LETM2: variants seen among roughly 807,000 people sequenced by gnomAD.
LETM2 encodes leucine zipper and EF-hand containing transmembrane protein 2.
LETM2 carries 58 observed loss-of-function variants against 59.6 expected under a neutral mutation model. That is an observed-to-expected ratio of 0.97 (90% CI 0.79 to 1.21). The LOEUF is 1.21. Ranked by LOEUF, LETM2 falls within the 50% of genes most tolerant of loss-of-function variation. The pLI is 0.00. For synonymous variants in LETM2, 199 were observed against 214.1 expected (o/e 0.93, Z 0.62); for missense variants, 572 against 575.7 (o/e 0.99, Z 0.07).
chr8:38,386,432 T>C (rs1407874958), upstream of LETM2: 2 of 152,180 alleles, frequency 1.3e-5, no homozygotes, highest in Non-Finnish European at 2.9e-5. Context: ...GTTGGCGATG[T>C]CGTCACTCAG....
chr8:38,391,335 G>T (rs1470487764), intron 2 of LETM2, among the ~76,000 whole-genome samples: 2 of 117,072 alleles, frequency 1.7e-5, no homozygotes, highest in East Asian at 2.3e-4. Context: ...GACAAGTCTC[G>T]CTTTGTCGCC....
rs1319135564 is a variant in LETM2, at chr8:38,404,246, C to G, written c.1105-147C>G. On this transcript the variant is annotated intron_variant, in intron 7 of 10. Coordinates refer to ENST00000379957, the MANE Select transcript of LETM2 (RefSeq NM_001286819.2). ...CAGAAGCCAGGGCTGGGCTCTTGTC[C>G]GTGTTCTGCCGTGACTCATCACCTG... The G allele has an allele frequency of 2.0e-5, 12 of 603,984 alleles. No homozygotes were observed. The East Asian group carries it at 2.2e-4, about 11-fold the overall frequency. 37.4% of individuals were successfully genotyped at this position (603,984 alleles called of 1,614,324 possible). A position where few individuals can be genotyped will look rare whatever the true frequency, so the allele number is the denominator to read the frequency against.
In LETM2 at chr8:38,408,258, G is replaced by C. The variant is rs960061113; in HGVS notation, c.1460G>C (p.Ser487Thr). The C allele has an allele frequency of 2.6e-5, 42 of 1,612,998 alleles. No homozygotes were observed. The highest frequency in any genetic ancestry group is 3.6e-5 in the Non-Finnish European group (42 of 1,179,568). Residue 487 changes from serine to threonine, a missense_variant, in exon 11 of 11, where the codon AGT becomes ACT. Ser to Thr is a moderately conservative substitution (Grantham distance 58, BLOSUM62 1). Coordinates refer to ENST00000379957, the MANE Select transcript of LETM2 (RefSeq NM_001286819.2). ...SQMTAQNSKA[S>T]SKGA ...ATGACGGCCCAGAACAGCAAGGCTA[G>C]TTCAAAAGGAGCATAAAGGACTACT...
At chr8:38,400,445 G>A (rs1176512842) in intron 5 of LETM2, 36 bp downstream of exon 5, 18 of 1,525,742 alleles carry the variant, frequency 1.2e-5, no homozygotes, top group Non-Finnish European at 1.6e-5. Flanking sequence ...ACAACTTCGG[G>A]GCTGGGCGTT....
intron 3 of LETM2, chr8:38,393,280 T>G (rs919456841): frequency 2.4e-5 from 7 of 293,038 alleles, no homozygotes; most frequent in South Asian, 1.2e-4. Context: ...ATTGTGTTTT[T>G]TAATCTTTCC....
intron 7 of LETM2, 30 bp downstream of exon 7, chr8:38,402,674 T>C: frequency 6.2e-7 from 1 of 1,611,870 alleles, no homozygotes; most frequent in East Asian, 2.2e-5. Context: ...TGGGGTCCTC[T>C]TCCCTAGAAC....
Position 38,392,953 on chromosome 8 carries a change from G to A in LETM2, c.459G>A (p.Arg153=). The stretch of plus-strand genomic sequence containing the variant: ...AAGTTGCTGCCAGAATGGTTTGGAG[G>A]CTGTTGCATGGACAGGTCCTGACCA... The part of the protein sequence containing the change: ...DAKVAARMVW[R]LLHGQVLTRR... Residue 153 remains arginine (R), a synonymous_variant, in exon 3 of 11, where the codon AGG becomes AGA. Transcript: ENST00000379957. 1.9e-6 allele frequency: 3 copies of A among 1,610,400 alleles called. No homozygotes were observed. Among genetic ancestry groups the A allele is most frequent in the Non-Finnish European group, 2.5e-6 (3 of 1,180,012 alleles).
chr8:38,409,136 G>A lies in LETM2; in HGVS notation c.*862G>A, dbSNP rs538745626. 4.6e-5 allele frequency: 7 copies of A among 152,290 alleles called. No individual in the cohort carries two copies. The South Asian group carries it at 1.5e-3, about 32-fold the overall frequency. 9.4% of individuals were successfully genotyped at this position (152,290 alleles called of 1,614,324 possible). ...AGGATATTTATGCTTGGTGTTTTCA[G>A]TATTAATAATATGAAATAATAGATA... is the stretch of plus-strand genomic sequence containing the variant. On this transcript the variant is annotated 3_prime_UTR_variant, in exon 11 of 11. Transcript: ENST00000379957.
At chr8:38,399,044 A>G (rs1001766581) in intron 4 of LETM2, among the ~76,000 whole-genome samples, 1 of 146,018 alleles carries the variant, frequency 6.8e-6, no homozygotes, top group Non-Finnish European at 1.5e-5. Context: ...TGATCATACT[A>G]TTGTGTGATT....
intron 4 of LETM2, 86 bp from the exon 5 acceptor site, chr8:38,400,186 C>A: frequency 9.4e-7 from 1 of 1,064,672 alleles, no homozygotes; most frequent in Middle Eastern, 2.3e-4. Flanking sequence ...TGAGCAATAA[C>A]AAGGAGACAG....
chr8:38,388,524 C>A (rs1417907146), intron 2 of LETM2, among the ~76,000 whole-genome samples: 1 of 150,492 alleles, frequency 6.6e-6, no homozygotes, highest in African/African-American at 2.4e-5. Flanking sequence ...GAGTTCAAGA[C>A]CAGCCTGACC....
intron 4 of LETM2, among the ~76,000 whole-genome samples, chr8:38,398,685 G>A (rs2150432609): frequency 6.6e-6 from 1 of 150,842 alleles, no homozygotes; most frequent in African/African-American, 2.4e-5. Flanking sequence ...TGGATGGAAG[G>A]ATATGGATGA....
chr8:38,408,091 T>C (rs979145359), intron 10 of LETM2, 121 bp from the exon 11 acceptor site: 1 of 706,390 alleles, frequency 1.4e-6, no homozygotes, highest in South Asian at 1.8e-5. Context: ...CCAAGGTAAA[T>C]TATAATCTCA....
intron 9 of LETM2, 35 bp downstream of exon 9, chr8:38,407,073 T>C (rs1813783497): frequency 7.3e-7 from 1 of 1,368,510 alleles, no homozygotes; most frequent in Non-Finnish European, 1.0e-6. Context: ...TTAATTAGAT[T>C]AAAAAATGAA....
Position 38,409,156 on chromosome 8 carries a change from T to C in LETM2, c.*882T>C, listed in dbSNP as rs774406933. 1 of 151,792 alleles carries C rather than the reference T, an allele frequency of 6.6e-6. No homozygotes were observed. The highest frequency in any genetic ancestry group is 1.5e-5 in the Non-Finnish European group (1 of 67,672). 9.4% of individuals were successfully genotyped at this position (151,792 alleles called of 1,614,324 possible). A position where few individuals can be genotyped will look rare whatever the true frequency, so the allele number is the denominator to read the frequency against. ...TTTCAGTATTAATAATATGAAATAA[T>C]AGATAGACTGCCATGCAGCTGACCA... On this transcript the variant is annotated 3_prime_UTR_variant, in exon 11 of 11. Transcript: ENST00000379957.
chr8:38,394,678 C>CA (rs1038619963), intron 4 of LETM2, among the ~76,000 whole-genome samples: 8 of 151,674 alleles, frequency 5.3e-5, no homozygotes, highest in African/African-American at 1.5e-4. Flanking sequence ...CCCATTTCTA[C>CA]AAAAAATGCA....
At chr8:38,401,707 C>T (rs749867650) in intron 6 of LETM2, 2 of 153,406 alleles carry the variant, frequency 1.3e-5, no homozygotes, top group Non-Finnish European at 2.9e-5. Flanking sequence ...GCTCTCATAC[C>T]GGGAAGCTGG....
chr8:38,400,701 A>T, intron 5 of LETM2, 152 bp from the exon 6 acceptor site: 1 of 744,620 alleles, frequency 1.3e-6, no homozygotes, highest in Non-Finnish European at 2.2e-6. Context: ...GTTTGACTTC[A>T]GATGGATATC....
At position 38,392,747 on chromosome 8, in the gene LETM2, CA is replaced by C; in HGVS notation, c.255del (p.Glu86LysfsTer17). ...GCTACACACATCCACTTGCTGGCTGCAAGAAGTTCCTGGCAAACCTCAGCTG... is the reference window on the plus strand; with the variant it reads ...GCTACACACATCCACTTGCTGGCTGCAGAAGTTCCTGGCAAACCTCAGCTG... ...QKLHTSTCWL[Q>X]EVPGKPQLEQ... On this transcript the variant is annotated frameshift_variant, in exon 3 of 11. Transcript: ENST00000379957. LOFTEE classifies it high-confidence loss of function. The C allele has an allele frequency of 6.2e-7, 1 of 1,614,144 alleles. No individual in the cohort carries two copies. The highest frequency in any genetic ancestry group is 8.5e-7 in the Non-Finnish European group (1 of 1,180,034).
Sources: allele counts gnomAD v4.1 joint callset (sites outside exome capture counted in the v4.1 genomes callset), GRCh38; gene constraint gnomAD v4.1.1; transcripts MANE v1.5; gene names NCBI Gene and HGNC (gene_info 2026-07-23, HGNC 2026-07-21).